The following APC variants were observed in gnomAD, a reference collection of about 807,000 sequenced individuals.
APC encodes APC regulator of Wnt signaling pathway, also known as adenomatous polyposis coli protein.
A neutral mutation model predicts 247.0 loss-of-function variants in APC; 72 were observed. That is an observed-to-expected ratio of 0.29 (90% CI 0.24 to 0.35). The LOEUF (loss-of-function observed/expected upper bound fraction) is 0.35, where lower values mean the gene tolerates loss of function less well. Among genes scored for constraint, APC ranks in the 10% least tolerant of loss-of-function variants. APC has a pLI of 1.00. For missense variants in APC, 3,400 were observed against 3,360.7 expected, an observed-to-expected ratio of 1.01 and a Z score of -0.29; for synonymous variants, 1,254 against 1,162.5, an observed-to-expected ratio of 1.08 and a Z score of -1.60.
At chr5:112,723,753 A>T (rs1460577859) in intron 1 of APC, among the ~76,000 whole-genome samples, 4 of 152,218 alleles carry the variant, frequency 2.6e-5, no homozygotes, top group African/African-American at 9.6e-5. Context: ...GAGGAAAATG[A>T]ATTCAAAGTT....
intron 2 of APC, among the ~76,000 whole-genome samples, chr5:112,757,345 A>C (rs994441965): frequency 6.6e-6 from 1 of 152,132 alleles, no homozygotes; most frequent in Non-Finnish European, 1.5e-5. Flanking sequence ...AATCCACACA[A>C]TGGTTATTTC....
At chr5:112,803,378 A>G (rs945014366) in intron 8 of APC, among the ~76,000 whole-genome samples, 1 of 152,192 alleles carries the variant, frequency 6.6e-6, no homozygotes, top group Non-Finnish European at 1.5e-5. Context: ...CTAAATGGAC[A>G]TTGATCGTAA....
rs374380039 is a variant in APC, at chr5:112,838,836, G to A, written c.3242G>A (p.Ser1081Asn). Reference sequence around the variant, plus strand: ...ACAACTTATCCTGTTTATACTGAGAGCACTGATGATAAACACCTCAAGTTC... The same window carrying A: ...ACAACTTATCCTGTTTATACTGAGAACACTGATGATAAACACCTCAAGTTC... ...QSTTYPVYTE[S>N]TDDKHLKFQP... The change falls in exon 16 of 16, where the codon AGC becomes AAC. Residue 1081 changes from serine (S) to asparagine (N), a missense_variant. Ser to Asn is a conservative substitution (Grantham distance 46). Coordinates refer to ENST00000257430, the MANE Select transcript of APC (RefSeq NM_000038.6). 1.9e-6 allele frequency: 3 copies of A among 1,614,028 alleles called. No homozygotes were observed. In the African/African-American group the frequency reaches 4.0e-5, roughly 22 times the overall value.
chr5:112,816,580 G>A (rs567257189), intron 9 of APC, among the ~76,000 whole-genome samples: 1 of 152,136 alleles, frequency 6.6e-6, no homozygotes, highest in South Asian at 2.1e-4. Context: ...GATCACTTGA[G>A]GCCAGGAGTT....
At chr5:112,800,176 A>T (rs1397163433) in intron 7 of APC, among the ~76,000 whole-genome samples, 2 of 152,076 alleles carry the variant, frequency 1.3e-5, no homozygotes, top group Non-Finnish European at 2.9e-5. Flanking sequence ...AACATAGTAG[A>T]TGGTCAGTAA....
At chr5:112,734,966 A>T (rs983935341), upstream of APC, among the ~76,000 whole-genome samples, 4 of 151,658 alleles carry the variant, frequency 2.6e-5, no homozygotes, top group Non-Finnish European at 5.9e-5. Flanking sequence ...TATTAATCCT[A>T]TTTAGTCATT....
intron 1 of APC, among the ~76,000 whole-genome samples, chr5:112,709,022 A>G (rs1024434448): frequency 6.6e-6 from 1 of 152,226 alleles, no homozygotes; most frequent in African/African-American, 2.4e-5. Flanking sequence ...GGGTTGGATA[A>G]CGTGTCAAGA....
chr5:112,811,255 C>G (rs571161647), intron 8 of APC, among the ~76,000 whole-genome samples: 3 of 152,256 alleles, frequency 2.0e-5, no homozygotes, highest in Non-Finnish European at 4.4e-5. Context: ...GGACAATGAG[C>G]AAAGCTGATT....
intron 1 of APC, among the ~76,000 whole-genome samples, chr5:112,745,438 TA>T (rs1212915392): frequency 6.6e-6 from 1 of 152,106 alleles, no homozygotes; most frequent in African/African-American, 2.4e-5. Context: ...GGAATGTAGA[TA>T]AGGCTGTACT....
In APC at chr5:112,728,828, C is replaced by T. The variant is rs114763316; in HGVS notation, c.165+20946C>T. On this transcript the variant is annotated intron_variant, in intron 1 of 13. Transcript: ENST00000507379. ...TTTCCTCTTGAGCCAGAACTAGAAA[C>T]TGGTCCTGTAATATCTGTGGATCTT... is the stretch of plus-strand genomic sequence containing the variant. Among the ~76,000 whole-genome samples, 1,300 of 152,232 alleles carry T rather than the reference C, an allele frequency of 8.5e-3. 12 individuals are homozygous for T. Among genetic ancestry groups the T allele is most frequent in the Middle Eastern group, 0.02 (6 of 294 alleles).
chr5:112,766,301 T>C, intron 2 of APC, 25 bp from the exon 3 acceptor site: 1 of 1,448,114 alleles, frequency 6.9e-7, no homozygotes, highest in Non-Finnish European at 9.7e-7. Flanking sequence ...AATTTCATGT[T>C]AATATATTGT....
Position 112,728,230 on chromosome 5 carries a change from C to T in APC, c.165+20348C>T, listed in dbSNP as rs145887034. 9.4e-3 allele frequency among the ~76,000 whole-genome samples: 1,434 copies of T among 152,144 alleles called. 19 individuals are homozygous for T. The highest frequency in any genetic ancestry group is 0.033 in the African/African-American group (1,370 of 41,498). ...GCAGCCTCCACCTCCTGGGTTCAAG[C>T]GATTCCCCTGCCTCAACCTCCTGAG... On this transcript the variant is annotated intron_variant, in intron 1 of 13. Coordinates refer to the APC transcript ENST00000507379.
At chr5:112,731,753 T>G (rs1752110051) in intron 1 of APC, among the ~76,000 whole-genome samples, 1 of 152,134 alleles carries the variant, frequency 6.6e-6, no homozygotes, top group African/African-American at 2.4e-5. Flanking sequence ...TTCTTCTGGG[T>G]TTTTTTGGTT....
At chr5:112,754,767 C>T in intron 1 of APC, 106 bp from the exon 2 acceptor site, 1 of 1,060,724 alleles carries the variant, frequency 9.4e-7, no homozygotes, top group Non-Finnish European at 1.4e-6. Flanking sequence ...TAACACAATT[C>T]TTCTTAAACG....
At chr5:112,750,710 G>C (rs1247461618) in intron 1 of APC, among the ~76,000 whole-genome samples, 9 of 152,000 alleles carry the variant, frequency 5.9e-5, no homozygotes, top group African/African-American at 2.2e-4. Flanking sequence ...ACTCTACTTG[G>C]CCCTCTGTGT....
At chr5:112,747,773 C>G (rs1317411125) in intron 1 of APC, among the ~76,000 whole-genome samples, 1 of 152,130 alleles carries the variant, frequency 6.6e-6, no homozygotes, top group Non-Finnish European at 1.5e-5. Context: ...GATTCTAAGA[C>G]TTCCTAGTTC....
Position 112,840,107 on chromosome 5 carries a change from A to G in APC, c.4513A>G (p.Ser1505Gly), listed in dbSNP as rs1765699040. The G allele has an allele frequency of 1.9e-6, 3 of 1,614,062 alleles. No individual in the cohort carries two copies. The South Asian group carries it at 3.3e-5, about 18-fold the overall frequency. Residue 1505 changes from serine to glycine, a missense_variant, in exon 16 of 16, where the codon AGC becomes GGC. Ser to Gly is a moderately conservative substitution (Grantham distance 56). Transcript: ENST00000257430. The surrounding 1 kb of genome is among the most constrained non-coding windows in gnomAD (Gnocchi z 4.1). ...STPDGFSCSSSLSALSLDEPF... is the reference protein window; with the variant it reads ...STPDGFSCSSGLSALSLDEPF... The stretch of plus-strand genomic sequence containing the variant: ...TCCAGATGGATTTTCTTGTTCATCC[A>G]GCCTGAGTGCTCTGAGCCTCGATGA...
intron 7 of APC, among the ~76,000 whole-genome samples, chr5:112,794,529 A>T (rs898085441): frequency 2.0e-5 from 3 of 152,202 alleles, no homozygotes; most frequent in African/African-American, 4.8e-5. Flanking sequence ...AGTCAGTCAC[A>T]AGACTGTCCA....
At position 112,767,331 on chromosome 5, in the gene APC, A is replaced by C; in HGVS notation, c.363A>C (p.Arg121Ser). The change falls in exon 4 of 16, where the codon AGA becomes AGC. Residue 121 changes from arginine to serine, a missense_variant. Physicochemically the swap from Arg to Ser is moderately radical, Grantham distance 110. Transcript: ENST00000257430. Reference sequence around the variant, plus strand: ...TTCCTATGGGTTCATTTCCAAGAAGAGGGTTTGTAAATGGAAGCAGAGAAA... The same window carrying C: ...TTCCTATGGGTTCATTTCCAAGAAGCGGGTTTGTAAATGGAAGCAGAGAAA... The part of the protein sequence containing the change: ...SPVPMGSFPR[R>S]GFVNGSREST... 1.9e-6 allele frequency: 3 copies of C among 1,614,154 alleles called. No individual in the cohort carries two copies. The highest frequency in any genetic ancestry group is 2.5e-6 in the Non-Finnish European group (3 of 1,180,016).
Sources: gnomAD v4.1 joint callset for allele counts (sites outside exome capture counted in the v4.1 genomes callset) on GRCh38, gnomAD v4.1.1 for gene constraint, Gnocchi (gnomAD v3.1) non-coding constraint, MANE v1.5 for transcripts, NCBI Gene and HGNC (gene_info 2026-07-23, HGNC 2026-07-21) for gene names.